Variants in ANKS3 observed in about 807,000 individuals in gnomAD.
ANKS3 encodes ankyrin repeat and SAM domain-containing protein 3.
A neutral mutation model predicts 80.7 loss-of-function variants in ANKS3; 62 were observed. The ratio of observed to expected loss-of-function variants is 0.77; its 90% CI spans 0.63 to 0.95. The LOEUF is 0.95. ANKS3 is among the 40% of genes least tolerant of loss of function. ANKS3 has a pLI of 0.00. For synonymous variants in ANKS3, 489 were observed against 355.3 expected, an observed-to-expected ratio of 1.38 and a Z score of -4.23; for missense variants, 1,150 against 883.6, an observed-to-expected ratio of 1.30 and a Z score of -3.82.
In ANKS3 at chr16:4,699,062, T is replaced by A. The variant is rs766923282; in HGVS notation, c.1399A>T (p.Ile467Phe). ...CCCTTCTGGACGCACGTGATGCCAATTTCCTTCAGGTCGCTCTCAGTGAGG... is the reference window on the plus strand; with the variant it reads ...CCCTTCTGGACGCACGTGATGCCAAATTCCTTCAGGTCGCTCTCAGTGAGG... ...LTLTESDLKE[I>F]GITLFGPKRK... is the part of the protein sequence containing the mutation. The change falls in exon 12 of 18, where the codon ATT becomes TTT. Residue 467 changes from isoleucine to phenylalanine, a missense_variant. By Grantham distance (21) the Ile-to-Phe change is conservative. Coordinates refer to ENST00000304283, the MANE Select transcript of ANKS3 (RefSeq NM_133450.4). 6.2e-7 allele frequency: 1 copy of A among 1,614,126 alleles called. No individual in the cohort carries two copies. The highest frequency in any genetic ancestry group is 1.1e-5 in the South Asian group (1 of 91,084).
intron 1 of ANKS3, among the ~76,000 whole-genome samples, chr16:4,732,697 A>T (rs902095865): frequency 4.0e-5 from 6 of 151,542 alleles, no homozygotes; most frequent in Non-Finnish European, 8.8e-5. Flanking sequence ...AAACAAAAAA[A>T]AAACACTAAA....
At chr16:4,721,314 A>G (rs1276361838) in intron 6 of ANKS3, among the ~76,000 whole-genome samples, 1 of 150,598 alleles carries the variant, frequency 6.6e-6, no homozygotes, top group East Asian at 1.9e-4. Flanking sequence ...CAAAAAAAAA[A>G]AAAAAAGAGA....
At position 4,701,146 on chromosome 16, in the gene ANKS3, G is replaced by C. The variant is rs748422660; in HGVS notation, c.1120-12C>G. The C allele has an allele frequency of 9.9e-6, 16 of 1,613,678 alleles. No individual in the cohort carries two copies. Among genetic ancestry groups the C allele is most frequent in the South Asian group, 2.2e-5 (2 of 91,080 alleles). On this transcript the variant is annotated splice_polypyrimidine_tract_variant and intron_variant, in intron 10 of 17. Coordinates refer to ENST00000304283, the MANE Select transcript of ANKS3 (RefSeq NM_133450.4). ...GCATGATCCGAGTCCTGCAGTGAGA[G>C]GCGTGCATCTGAAAGAGTGCGCGGG...
chr16:4,703,421 ATTT>A (rs3051126), intron 8 of ANKS3, among the ~76,000 whole-genome samples: 2 of 131,618 alleles, frequency 1.5e-5, no homozygotes, highest in Admixed American at 7.6e-5. Context: ...GGCCCCCCCA[ATTT>A]TTTTTTTTTT....
Position 4,733,018 on chromosome 16 carries a change from A to T in ANKS3, c.-71+920T>A, listed in dbSNP as rs188193834. ...CTCAATTATTTGTGGTTATCTAAAA[A>T]TCAAAACAACTGAACTCATGGACAT... is the stretch of plus-strand genomic sequence containing the variant. On this transcript the variant is annotated intron_variant, in intron 1 of 17. Transcript: ENST00000304283. Among the ~76,000 whole-genome samples, 38 of 152,234 alleles carry T rather than the reference A, an allele frequency of 2.5e-4. 1 individual carries two copies. Among genetic ancestry groups the T allele is most frequent in the Non-Finnish European group, 2.4e-4 (16 of 68,026 alleles).
chr16:4,726,629 T>C, intron 5 of ANKS3, 30 bp downstream of exon 5: 3 of 1,606,654 alleles, frequency 1.9e-6, no homozygotes, highest in Non-Finnish European at 2.6e-6. Context: ...CCTAGGCCAC[T>C]CCTGTGGCCA....
At chr16:4,697,194 GC>G (rs1412145984) in intron 16 of ANKS3, 90 bp from the exon 17 acceptor site, 1 of 1,560,142 alleles carries the variant, frequency 6.4e-7, no homozygotes, top group Non-Finnish European at 8.8e-7. Flanking sequence ...GATGTGACCT[GC>G]CCCTCACCCG....
At chr16:4,707,396 C>G (rs2080255177) in intron 7 of ANKS3, among the ~76,000 whole-genome samples, 1 of 151,906 alleles carries the variant, frequency 6.6e-6, no homozygotes, top group Non-Finnish European at 1.5e-5. Context: ...ATTCTCCTGC[C>G]TCAGCCTCCC....
At chr16:4,724,378 G>A (rs1342944807) in intron 6 of ANKS3, among the ~76,000 whole-genome samples, 1 of 152,192 alleles carries the variant, frequency 6.6e-6, no homozygotes, top group Non-Finnish European at 1.5e-5. Context: ...AAGTCCTAGG[G>A]CAGCTCTTTC....
chr16:4,710,635 G>A (rs986651305), intron 7 of ANKS3, among the ~76,000 whole-genome samples: 1 of 152,010 alleles, frequency 6.6e-6, no homozygotes, highest in African/African-American at 2.4e-5. Flanking sequence ...TTTTGAGCCT[G>A]GGAGGCGGAG....
Position 4,698,933 on chromosome 16 carries a change from C to G in ANKS3, c.1418G>C (p.Gly473Ala). 6.2e-7 allele frequency: 1 copy of G among 1,601,546 alleles called. No homozygotes were observed. The highest frequency in any genetic ancestry group is 8.5e-7 in the Non-Finnish European group (1 of 1,172,412). The change falls in exon 13 of 18, where the codon GGG becomes GCG. Residue 473 changes from glycine (G) to alanine (A), a missense_variant. Gly to Ala is a moderately conservative substitution (Grantham distance 60). Coordinates refer to ENST00000304283, the MANE Select transcript of ANKS3 (RefSeq NM_133450.4). ...DLKEIGITLF[G>A]PKRKMTSAIA... ...GGCGGACGTCATCTTCCTCTTGGGC[C>G]CAAACAGCCTGCGGGGGGAATGTGA...
chr16:4,730,244 A>T, intron 2 of ANKS3, 93 bp from the exon 3 acceptor site: 1 of 1,246,802 alleles, frequency 8.0e-7, no homozygotes, highest in Non-Finnish European at 1.0e-6. Context: ...CCACTGCACT[A>T]GCAGACTGAT....
chr16:4,719,789 C>A (rs1371981997), intron 6 of ANKS3, among the ~76,000 whole-genome samples: 1 of 151,830 alleles, frequency 6.6e-6, no homozygotes, highest in Non-Finnish European at 1.5e-5. Flanking sequence ...CAAAGCAAGA[C>A]CCTATATAAA....
At chr16:4,702,376 C>T (rs112546188) in intron 8 of ANKS3, 134 bp from the exon 9 acceptor site, 22 of 948,434 alleles carry the variant, frequency 2.3e-5, no homozygotes, top group Non-Finnish European at 3.2e-5. Flanking sequence ...TGGCATGGCT[C>T]TATCTGTGGT....
chr16:4,697,916 T>C (rs1040172440), intron 15 of ANKS3, 61 bp downstream of exon 15: 8 of 1,410,786 alleles, frequency 5.7e-6, no homozygotes, highest in Non-Finnish European at 7.5e-6. Context: ...GGGTCAAACC[T>C]GGCTTCAGGG....
intron 14 of ANKS3, 100 bp downstream of exon 14, chr16:4,698,314 ACCCTGAAATCCAC>A: frequency 7.3e-7 from 1 of 1,377,150 alleles, no homozygotes; most frequent in South Asian, 1.5e-5. Context: ...GTGGCTCCAG[ACCCTGAAATCCAC>A]CCCTCAGTTA....
At chr16:4,711,037 C>A (rs1230895255) in intron 7 of ANKS3, among the ~76,000 whole-genome samples, 2 of 151,838 alleles carry the variant, frequency 1.3e-5, no homozygotes, top group African/African-American at 4.8e-5. Flanking sequence ...GATCCACACG[C>A]CTCAGCCTCC....
Position 4,727,082 on chromosome 16 carries a change from A to C in ANKS3, c.266T>G (p.Leu89Arg), listed in dbSNP as rs756313168. 2 of 1,614,204 alleles carry C rather than the reference A, an allele frequency of 1.2e-6. No individual in the cohort carries two copies. Among genetic ancestry groups the C allele is most frequent in the Non-Finnish European group, 1.7e-6 (2 of 1,180,044 alleles). Residue 89 changes from leucine to arginine, a missense_variant, in exon 4 of 18, where the codon CTT becomes CGT. Coordinates refer to ENST00000304283, the MANE Select transcript of ANKS3 (RefSeq NM_133450.4). Reference protein sequence around the residue: ...IGHDTIVHLLLEAGVSVNVPT... With the variant: ...IGHDTIVHLLREAGVSVNVPT... ...CACATTCACACTCACCCCCGCCTCA[A>C]GCAGCAGGTGCACGATTGTGTCGTG...
At position 4,734,235 on chromosome 16, in the gene ANKS3, T is replaced by C. The variant is rs1354804697; in HGVS notation, c.-368A>G. ...CCAAACAGCTCGCCGCCACGCTCCC[T>C]CGCCGGGGCACCGCCCCCGGCACCC... is the stretch of plus-strand genomic sequence containing the variant. On this transcript the variant is annotated 5_prime_UTR_variant, in exon 1 of 18. Coordinates refer to ENST00000304283, the MANE Select transcript of ANKS3 (RefSeq NM_133450.4). 1 of 160,790 alleles carries C rather than the reference T, an allele frequency of 6.2e-6. No individual in the cohort carries two copies. The highest frequency in any genetic ancestry group is 1.3e-5 in the Non-Finnish European group (1 of 76,108). The allele number at this position is 160,790 out of a possible 1,614,324, so 10.0% of individuals were successfully genotyped here. A position where few individuals can be genotyped will look rare whatever the true frequency, so the allele number is the denominator to read the frequency against.
Sources: gnomAD v4.1 joint callset for allele counts (sites outside exome capture counted in the v4.1 genomes callset) on GRCh38, gnomAD v4.1.1 for gene constraint, MANE v1.5 for transcripts, NCBI Gene and HGNC (gene_info 2026-07-23, HGNC 2026-07-21) for gene names.